The following GRIK2 variants were observed in gnomAD, a reference collection of about 807,000 sequenced individuals.
GRIK2 encodes glutamate receptor ionotropic, kainate 2.
GRIK2 carries 32 observed loss-of-function variants against 100.3 expected under a neutral mutation model. The ratio of observed to expected loss-of-function variants is 0.32; its 90% CI spans 0.24 to 0.43. The LOEUF is 0.43. Ranked by LOEUF, GRIK2 falls within the 20% of genes least tolerant of loss-of-function variation. The pLI is 1.00. For synonymous variants in GRIK2, 417 were observed against 389.4 expected, an observed-to-expected ratio of 1.07 and a Z score of -0.83; for missense variants, 843 against 1,114.9, an observed-to-expected ratio of 0.76 and a Z score of 3.47.
intron 7 of GRIK2, among the ~76,000 whole-genome samples, chr6:101,756,870 AT>A (rs1777167925): frequency 6.6e-6 from 1 of 152,174 alleles, no homozygotes; most frequent in South Asian, 2.1e-4. Context: ...TTGATAAAAA[AT>A]TTGGCATTTT....
At chr6:101,762,784 A>G (rs1482498240) in intron 7 of GRIK2, among the ~76,000 whole-genome samples, 1 of 152,214 alleles carries the variant, frequency 6.6e-6, no homozygotes, top group African/African-American at 2.4e-5. Context: ...TTCAGCTAAA[A>G]AGTACACATG....
In GRIK2 at chr6:101,732,114, C is replaced by CT. The variant is rs545587938; in HGVS notation, c.951+45769dup. On this transcript the variant is annotated intron_variant, in intron 7 of 16. Transcript: ENST00000369134. ...TGTTTATATGCACACACACACACAC[C>CT]TTTTTTTTCCTAGTGTGATAATTGC... Among the ~76,000 whole-genome samples the CT allele has an allele frequency of 6.0e-3, 910 of 151,572 alleles. 13 individuals carry two copies. Among genetic ancestry groups the CT allele is most frequent in the Non-Finnish European group, 6.0e-3 (407 of 67,738 alleles).
At chr6:101,424,202 G>T (rs1331163788) in intron 2 of GRIK2, among the ~76,000 whole-genome samples, 11 of 151,384 alleles carry the variant, frequency 7.3e-5, no homozygotes, top group Admixed American at 6.6e-4. Context: ...AAGTTTTAGG[G>T]TACATGTACA....
intron 2 of GRIK2, among the ~76,000 whole-genome samples, chr6:101,560,294 A>G (rs1776940111): frequency 6.6e-6 from 1 of 152,110 alleles, no homozygotes; most frequent in Non-Finnish European, 1.5e-5. Context: ...ATTTTATAAC[A>G]TATGATAAGA....
chr6:101,425,584 C>T (rs1297102534), intron 2 of GRIK2, among the ~76,000 whole-genome samples: 1 of 152,120 alleles, frequency 6.6e-6, no homozygotes, highest in Non-Finnish European at 1.5e-5. Context: ...TGTTATCCTA[C>T]ATTTTTCACT....
chr6:102,051,251 C>CCCTCCCTTCCTTCCTT (rs1215298030), intron 15 of GRIK2, among the ~76,000 whole-genome samples: 5 of 122,142 alleles, frequency 4.1e-5, no homozygotes, highest in East Asian at 5.6e-4. Context: ...TTCCCTCCCT[C>CCCTCCCTTCCTTCCTT]CCTTCCTTCC....
At chr6:102,000,907 A>T (rs568146531) in intron 14 of GRIK2, among the ~76,000 whole-genome samples, 13 of 152,028 alleles carry the variant, frequency 8.6e-5, no homozygotes, top group African/African-American at 2.7e-4. Context: ...AATCTATATT[A>T]TGTCCTTTCT....
At chr6:101,719,492 T>G (rs567115306) in intron 7 of GRIK2, among the ~76,000 whole-genome samples, 1 of 151,946 alleles carries the variant, frequency 6.6e-6, no homozygotes, top group African/African-American at 2.4e-5. Context: ...AAAGGGAAAA[T>G]TAACTAAGTA....
intron 2 of GRIK2, among the ~76,000 whole-genome samples, chr6:101,465,351 A>G (rs894654241): frequency 3.3e-5 from 5 of 152,190 alleles, no homozygotes; most frequent in African/African-American, 4.8e-5. Context: ...GCTCCCAGTT[A>G]CAAGTGAGAA....
At chr6:101,712,420 T>TA (rs979185895) in intron 7 of GRIK2, among the ~76,000 whole-genome samples, 3 of 151,848 alleles carry the variant, frequency 2.0e-5, no homozygotes, top group Admixed American at 2.0e-4. Flanking sequence ...TTTTTTTTCT[T>TA]ACAGGCAATA....
chr6:101,776,292 C>A (rs1447246176), intron 7 of GRIK2, among the ~76,000 whole-genome samples: 1 of 151,944 alleles, frequency 6.6e-6, no homozygotes, highest in South Asian at 2.1e-4. Flanking sequence ...TTTTGATTAC[C>A]CTTATTAATT....
chr6:101,910,491 A>G (rs1486220688), intron 12 of GRIK2, among the ~76,000 whole-genome samples: 2 of 151,358 alleles, frequency 1.3e-5, no homozygotes, highest in Non-Finnish European at 3.0e-5. Flanking sequence ...AAATAGTTAA[A>G]TATGAATGTC....
intron 2 of GRIK2, among the ~76,000 whole-genome samples, chr6:101,578,756 G>C (rs760390937): frequency 6.6e-6 from 1 of 152,038 alleles, no homozygotes; most frequent in Non-Finnish European, 1.5e-5. Context: ...TTTGATGAAG[G>C]CTCATTTCTA....
At position 101,646,134 on chromosome 6, in the gene GRIK2, G is replaced by A. The variant is rs145557063; in HGVS notation, c.541+19497G>A. ...GCTGTTCCACAAGGGCAGAGAATGCGTTTTCTTTAGAACTGTGTCCTCACC... is the reference window on the plus strand; with the variant it reads ...GCTGTTCCACAAGGGCAGAGAATGCATTTTCTTTAGAACTGTGTCCTCACC... On this transcript the variant is annotated intron_variant, in intron 4 of 16. Transcript: ENST00000369134. 1.1e-3 allele frequency among the ~76,000 whole-genome samples: 167 copies of A among 151,470 alleles called. 1 individual carries two copies. Among genetic ancestry groups the A allele is most frequent in the Middle Eastern group, 6.8e-3 (2 of 294 alleles).
intron 11 of GRIK2, among the ~76,000 whole-genome samples, chr6:101,874,603 T>C (rs1219531245): frequency 1.3e-5 from 2 of 151,902 alleles, no homozygotes; most frequent in African/African-American, 4.8e-5. Context: ...GCCATATGAA[T>C]TTTAAAGTAG....
At chr6:101,567,589 A>G (rs1162588825) in intron 2 of GRIK2, among the ~76,000 whole-genome samples, 1 of 152,012 alleles carries the variant, frequency 6.6e-6, no homozygotes, top group Non-Finnish European at 1.5e-5. Context: ...ACTCTCAAGA[A>G]TCATTCTAAG....
intron 2 of GRIK2, among the ~76,000 whole-genome samples, chr6:101,471,045 TG>T (rs986694941): frequency 2.4e-4 from 36 of 152,238 alleles, no homozygotes; most frequent in African/African-American, 8.4e-4. Flanking sequence ...ATAATAACTA[TG>T]GTTTTATCAG....
intron 7 of GRIK2, among the ~76,000 whole-genome samples, chr6:101,747,155 C>G (rs952964633): frequency 1.1e-4 from 16 of 152,150 alleles, no homozygotes; most frequent in East Asian, 1.9e-4. Flanking sequence ...ATCTATATAA[C>G]CAGCTGCTCA....
chr6:101,513,452 G>A (rs967060951), intron 2 of GRIK2, among the ~76,000 whole-genome samples: 3 of 152,094 alleles, frequency 2.0e-5, no homozygotes, highest in Non-Finnish European at 4.4e-5. Context: ...GGAGTGTCTG[G>A]AAGAAAAAGA....
Sources: allele counts gnomAD v4.1 joint callset (sites outside exome capture counted in the v4.1 genomes callset), GRCh38; gene constraint gnomAD v4.1.1; transcripts MANE v1.5; gene names NCBI Gene and HGNC (gene_info 2026-07-23, HGNC 2026-07-21).